TRPS1: variants seen among roughly 807,000 people sequenced by gnomAD.
The protein encoded by TRPS1 is transcriptional repressor GATA binding 1.
Under a neutral mutation model 101.2 loss-of-function variants are expected in TRPS1, and 6 were observed. The observed-to-expected ratio is 0.06, with a 90% CI of 0.03 to 0.12. TRPS1 has a LOEUF of 0.12. TRPS1 is among the 10% of genes least tolerant of loss of function. The pLI is 1.00. For synonymous variants in TRPS1, 578 were observed against 589.8 expected, an observed-to-expected ratio of 0.98 and a Z score of 0.29; for missense variants, 1,363 against 1,567.0, an observed-to-expected ratio of 0.87 and a Z score of 2.20.
chr8:115,525,771 T>C (rs562037909), intron 5 of TRPS1, among the ~76,000 whole-genome samples: 1 of 152,326 alleles, frequency 6.6e-6, no homozygotes, highest in South Asian at 2.1e-4. Context: ...GCTACCATAT[T>C]GGACAGCACA....
intron 5 of TRPS1, among the ~76,000 whole-genome samples, chr8:115,504,118 A>G (rs185928535): frequency 1.1e-4 from 17 of 152,256 alleles, no homozygotes; most frequent in South Asian, 1.0e-3. Flanking sequence ...CTGGCATCCA[A>G]TTGGTTACCA....
At chr8:115,536,798 G>GT (rs900943605) in intron 5 of TRPS1, among the ~76,000 whole-genome samples, 135 of 137,620 alleles carry the variant, frequency 9.8e-4, no homozygotes, top group African/African-American at 1.8e-3. Flanking sequence ...TTTTTTTTTT[G>GT]TTTTTTTTTT....
chr8:115,527,320 T>C (rs1267614390), intron 5 of TRPS1, among the ~76,000 whole-genome samples: 2 of 152,104 alleles, frequency 1.3e-5, no homozygotes, highest in East Asian at 3.9e-4. Context: ...CATTACCTGC[T>C]ATTTTTCAGA....
chr8:115,571,146 A>G (rs576130870), intron 5 of TRPS1, among the ~76,000 whole-genome samples: 3 of 152,242 alleles, frequency 2.0e-5, no homozygotes, highest in Non-Finnish European at 4.4e-5. Flanking sequence ...GTTTGGAAAT[A>G]ACTACTTAAA....
intron 5 of TRPS1, among the ~76,000 whole-genome samples, chr8:115,538,308 T>A (rs998000648): frequency 6.6e-6 from 1 of 152,190 alleles, no homozygotes; most frequent in Non-Finnish European, 1.5e-5. Flanking sequence ...TAAAACCAAC[T>A]CTTTTCCCAG....
intron 5 of TRPS1, among the ~76,000 whole-genome samples, chr8:115,521,978 T>G (rs1815875230): frequency 6.6e-6 from 1 of 151,944 alleles, no homozygotes. Context: ...AAACGTTTAC[T>G]GCTAACAACA....
At chr8:115,633,139 C>T (rs913557754) in intron 1 of TRPS1, among the ~76,000 whole-genome samples, 2 of 151,652 alleles carry the variant, frequency 1.3e-5, no homozygotes, top group African/African-American at 4.9e-5. Flanking sequence ...CTGAATTGTA[C>T]GGGAGAAAGG....
At chr8:115,613,538 A>G (rs958310547) in intron 3 of TRPS1, among the ~76,000 whole-genome samples, 1 of 152,294 alleles carries the variant, frequency 6.6e-6, no homozygotes, top group Admixed American at 6.5e-5. Context: ...GCCATATATC[A>G]GTGTGGTTGT....
intron 5 of TRPS1, among the ~76,000 whole-genome samples, chr8:115,524,673 A>G (rs1815951683): frequency 6.6e-6 from 1 of 152,112 alleles, no homozygotes. Flanking sequence ...ATTTGTATTA[A>G]TATCAACTCT....
chr8:115,629,111 T>C (rs1471766490), intron 1 of TRPS1, among the ~76,000 whole-genome samples: 2 of 151,626 alleles, frequency 1.3e-5, no homozygotes, highest in East Asian at 1.9e-4. Context: ...AAGGAAGAAA[T>C]TTAACTGAGA....
intron 5 of TRPS1, among the ~76,000 whole-genome samples, chr8:115,570,916 C>T (rs936027193): frequency 1.3e-5 from 2 of 152,124 alleles, no homozygotes; most frequent in Non-Finnish European, 2.9e-5. Flanking sequence ...GACTTCTGAC[C>T]GAACCAGAAT....
intron 5 of TRPS1, among the ~76,000 whole-genome samples, chr8:115,512,835 A>T (rs1394678015): frequency 1.3e-5 from 2 of 151,746 alleles, no homozygotes; most frequent in Non-Finnish European, 3.0e-5. Context: ...ACTATTGCAG[A>T]AAAGACATAT....
chr8:115,663,999 T>C (rs1187109080), intron 1 of TRPS1, among the ~76,000 whole-genome samples: 2 of 152,186 alleles, frequency 1.3e-5, no homozygotes, highest in East Asian at 1.9e-4. Context: ...AGCACTGTGA[T>C]AGCTCAAAAA....
At chr8:115,483,548 A>T (rs1814807046) in intron 5 of TRPS1, among the ~76,000 whole-genome samples, 1 of 151,970 alleles carries the variant, frequency 6.6e-6, no homozygotes. Context: ...AAAAAAAAAA[A>T]AAAATTAATT....
chr8:115,542,615 G>C (rs921534131), intron 5 of TRPS1, among the ~76,000 whole-genome samples: 1 of 151,958 alleles, frequency 6.6e-6, no homozygotes, highest in East Asian at 1.9e-4. Context: ...TTTAGGCGCC[G>C]GCCACTCCCA....
intron 5 of TRPS1, among the ~76,000 whole-genome samples, chr8:115,586,488 C>CAAA (rs1817563220): frequency 6.6e-6 from 1 of 152,180 alleles, no homozygotes; most frequent in African/African-American, 2.4e-5. Context: ...TCGACAACAA[C>CAAA]AAGCATTGTC....
chr8:115,556,893 C>A (rs1006172930), intron 5 of TRPS1, among the ~76,000 whole-genome samples: 1 of 152,140 alleles, frequency 6.6e-6, no homozygotes, highest in African/African-American at 2.4e-5. Flanking sequence ...ATGCAAAGAA[C>A]AGATTCAGTG....
intron 5 of TRPS1, chr8:115,515,146 A>G: frequency 9.0e-6 from 6 of 664,964 alleles, no homozygotes; most frequent in South Asian, 7.9e-5. Context: ...TAGAAGACAA[A>G]GACATATTCA....
intron 4 of TRPS1, among the ~76,000 whole-genome samples, chr8:115,593,843 G>A (rs760122593): frequency 6.6e-6 from 1 of 151,986 alleles, no homozygotes; most frequent in Non-Finnish European, 1.5e-5. Flanking sequence ...TGTCTTCTTC[G>A]TTATTCTAAA....
Sources: gnomAD v4.1 joint callset for allele counts (sites outside exome capture counted in the v4.1 genomes callset) on GRCh38, gnomAD v4.1.1 for gene constraint, MANE v1.5 for transcripts, NCBI Gene and HGNC (gene_info 2026-07-23, HGNC 2026-07-21) for gene names.